ABCC8: variants seen among roughly 807,000 people sequenced by gnomAD.
The protein encoded by ABCC8 is ATP binding cassette subfamily C member 8.
Under a neutral mutation model 188.0 loss-of-function variants are expected in ABCC8, and 137 were observed. The ratio of observed to expected loss-of-function variants is 0.73; its 90% CI spans 0.63 to 0.84. The LOEUF is 0.84. ABCC8 is among the 40% of genes least tolerant of loss of function. The probability of loss-of-function intolerance (pLI) is 0.00; values close to 1 mark genes in which losing one functional copy is unlikely to be tolerated. For missense variants in ABCC8, 1,750 were observed against 2,072.7 expected (o/e 0.84, Z 3.02); for synonymous variants, 797 against 846.5 (o/e 0.94, Z 1.01).
In ABCC8 at chr11:17,404,466, T is replaced by G. The variant is rs780416680; in HGVS notation, c.3557+46A>C. 24 of 1,560,312 alleles carry G rather than the reference T, an allele frequency of 1.5e-5. No individual in the cohort carries two copies. In the South Asian group the frequency reaches 2.3e-4, roughly 15 times the overall value. ...GATGAGTCTAGCAAGTACACCAAAC[T>G]GCACATTGCAAAGCACCTCCCACCC... On this transcript the variant is annotated intron_variant, in intron 28 of 38. Transcript: ENST00000389817. The surrounding 1 kb of genome is among the most constrained non-coding windows in gnomAD (Gnocchi z 4.7).
chr11:17,444,947 G>A (rs566446505), intron 8 of ABCC8, among the ~76,000 whole-genome samples: 1 of 152,320 alleles, frequency 6.6e-6, no homozygotes, highest in African/African-American at 2.4e-5. Context: ...TAGAATTGTG[G>A]CTGGCATATA....
At chr11:17,434,483 A>C (rs987556001) in intron 10 of ABCC8, among the ~76,000 whole-genome samples, 8 of 152,204 alleles carry the variant, frequency 5.3e-5, no homozygotes, top group African/African-American at 1.9e-4. Flanking sequence ...TGCAGCTAAC[A>C]CAAAATTCAA....
rs1483834388 is a variant in ABCC8 at position 17,461,766 on chromosome 11, C to T, written c.639G>A (p.Leu213=). 1 of 1,614,178 alleles carries T rather than the reference C, an allele frequency of 6.2e-7. No individual in the cohort carries two copies. The highest frequency in any genetic ancestry group is 8.5e-7 in the Non-Finnish European group (1 of 1,180,032). Residue 213 remains leucine, a synonymous_variant, in exon 5 of 39, where the codon CTG becomes CTA. Coordinates refer to ENST00000389817, the MANE Select transcript of ABCC8 (RefSeq NM_000352.6). ...CGAAGGGCTGCAGGAAGCGTACCCC[C>T]AGGTCTTGCAGGTCCTCGGGAGGCT... ...EVKPPEDLQD[L]GVRFLQPFVN... is the part of the protein sequence containing the mutation.
At chr11:17,449,471 G>C (rs568735568) in intron 7 of ABCC8, among the ~76,000 whole-genome samples, 2 of 152,312 alleles carry the variant, frequency 1.3e-5, no homozygotes, top group Non-Finnish European at 2.9e-5. Flanking sequence ...GCGTGAGTCA[G>C]TCAGCCCCAG....
Position 17,402,671 on chromosome 11 carries a change from G to A in ABCC8, c.3640C>T (p.Arg1214Trp), listed in dbSNP as rs139964066. 3.8e-5 allele frequency: 62 copies of A among 1,614,116 alleles called. No individual in the cohort carries two copies. The highest frequency in any genetic ancestry group is 4.0e-5 in the Non-Finnish European group (47 of 1,180,052). Residue 1214 changes from arginine (R) to tryptophan (W), a missense_variant, in exon 29 of 39, where the codon CGG (arginine) becomes TGG (tryptophan). Physicochemically the swap from Arg to Trp is moderately radical, Grantham distance 101. Transcript: ENST00000389817. ...AATGTGGACTCGTACCTGAAGGCCC[G>A]GATGGTGGTGAGTCCTTCTACGGTT... ...AETVEGLTTIRAFRYEARFQQ... is the reference protein window; with the variant it reads ...AETVEGLTTIWAFRYEARFQQ...
chr11:17,458,452 G>A (rs1042501747), intron 6 of ABCC8, among the ~76,000 whole-genome samples: 3 of 152,232 alleles, frequency 2.0e-5, no homozygotes, highest in Admixed American at 6.5e-5. Flanking sequence ...ATCCCACAAG[G>A]GTTTTGGGAA....
intron 10 of ABCC8, chr11:17,436,110 G>A (rs2133570166): frequency 1.2e-6 from 1 of 817,126 alleles, no homozygotes; most frequent in South Asian, 1.3e-5. Context: ...CAGCATTTCT[G>A]GTACAGAGCT....
intron 21 of ABCC8, among the ~76,000 whole-genome samples, chr11:17,412,058 A>C (rs1954835863): frequency 6.6e-6 from 1 of 151,678 alleles, no homozygotes; most frequent in South Asian, 2.1e-4. Flanking sequence ...GCACCCAGCT[A>C]ATTTTTTGTA....
intron 16 of ABCC8, among the ~76,000 whole-genome samples, chr11:17,421,242 A>C (rs1955327325): frequency 6.6e-6 from 1 of 152,240 alleles, no homozygotes. Context: ...CAAGGAGCTC[A>C]GAGTCATGGA....
intron 10 of ABCC8, among the ~76,000 whole-genome samples, chr11:17,441,165 A>AT (rs146159266): frequency 0.031 from 4,743 of 151,898 alleles, 106 homozygotes; most frequent in South Asian, 0.076. Context: ...GAGCCCAGAG[A>AT]TTTTTTTTCT....
rs10400389 is a variant in ABCC8, at chr11:17,470,024, C to T, written c.412+77G>A. ...CTCTACTGTTTAGAGCAATAGCTGG[C>T]ACATAATGAGTCCTCAGTAAACATT... On this transcript the variant is annotated intron_variant, in intron 3 of 38. Coordinates refer to ENST00000389817, the MANE Select transcript of ABCC8 (RefSeq NM_000352.6). 0.38 allele frequency: 591,420 copies of T among 1,550,840 alleles called. 116,500 individuals are homozygous for T. The highest frequency in any genetic ancestry group is 0.62 in the African/African-American group (45,771 of 73,530).
At chr11:17,417,800 A>C (rs984907053) in intron 16 of ABCC8, among the ~76,000 whole-genome samples, 3 of 151,472 alleles carry the variant, frequency 2.0e-5, no homozygotes, top group African/African-American at 7.3e-5. Flanking sequence ...CCCAGGCTGG[A>C]GTACAATGGC....
At chr11:17,422,740 G>C (rs1201104093) in intron 16 of ABCC8, among the ~76,000 whole-genome samples, 1 of 152,104 alleles carries the variant, frequency 6.6e-6, no homozygotes, top group East Asian at 1.9e-4. Flanking sequence ...TGCAACCTTT[G>C]GGTTAAATCT....
At chr11:17,463,689 A>G (rs1251494587) in intron 3 of ABCC8, 85 bp from the exon 4 acceptor site, 12 of 1,522,870 alleles carry the variant, frequency 7.9e-6, no homozygotes, top group Non-Finnish European at 9.8e-6. Context: ...TGTGGCAGAG[A>G]AGGAGACAGA....
chr11:17,474,735 G>A (rs1422478464), intron 2 of ABCC8, 151 bp downstream of exon 2: 4 of 871,818 alleles, frequency 4.6e-6, no homozygotes, highest in Non-Finnish European at 7.5e-6. Context: ...GCCCAGCTCA[G>A]AGAGGTTGGC....
chr11:17,450,250 T>C (rs548160788), intron 7 of ABCC8, among the ~76,000 whole-genome samples: 11 of 70,202 alleles, frequency 1.6e-4, no homozygotes, highest in African/African-American at 7.0e-4. Context: ...TTCTTTTTCT[T>C]TCTTTCTTTC....
chr11:17,446,243 G>C (rs1218285910), intron 8 of ABCC8, among the ~76,000 whole-genome samples: 3 of 152,126 alleles, frequency 2.0e-5, no homozygotes, highest in Admixed American at 6.6e-5. Context: ...TGGGATTACA[G>C]GAGCGAGCCA....
chr11:17,474,876 A>G lies in ABCC8; in HGVS notation c.290+10T>C. On this transcript the variant is annotated intron_variant, in intron 2 of 38. Coordinates refer to ENST00000389817, the MANE Select transcript of ABCC8 (RefSeq NM_000352.6). ...GATTCACTTTCCTGAGTCCTCAGAC[A>G]GTCACTCACCCATCAGACAGGATGC... The G allele has an allele frequency of 6.2e-7, 1 of 1,614,006 alleles. No homozygotes were observed. The highest frequency in any genetic ancestry group is 8.5e-7 in the Non-Finnish European group (1 of 1,179,848).
At chr11:17,435,558 A>G in intron 10 of ABCC8, 2 of 1,313,690 alleles carry the variant, frequency 1.5e-6, no homozygotes, top group Non-Finnish European at 1.1e-6. Flanking sequence ...TAAAAGCACA[A>G]AAGGATTTAA....
Sources: allele counts gnomAD v4.1 joint callset (sites outside exome capture counted in the v4.1 genomes callset), GRCh38; gene constraint gnomAD v4.1.1; non-coding constraint Gnocchi (gnomAD v3.1); transcripts MANE v1.5; gene names NCBI Gene and HGNC (gene_info 2026-07-23, HGNC 2026-07-21).